Variants in NCOA2 observed in about 807,000 individuals in gnomAD.
NCOA2 encodes nuclear receptor coactivator 2, also known as class E basic helix-loop-helix protein 75.
NCOA2 carries 21 observed loss-of-function variants against 145.1 expected under a neutral mutation model. That is an observed-to-expected ratio of 0.14 (90% CI 0.10 to 0.21). NCOA2 has a LOEUF of 0.21. Ranked by LOEUF, NCOA2 falls within the 10% of genes least tolerant of loss-of-function variation. The pLI is 1.00. For synonymous variants in NCOA2, 619 were observed against 637.5 expected (o/e 0.97, Z 0.44); for missense variants, 1,472 against 1,837.6 (o/e 0.80, Z 3.64).
At position 70,120,473 on chromosome 8, in the gene NCOA2, C is replaced by A. The variant is rs545326087; in HGVS notation, c.4383+829G>T. 2.6e-5 allele frequency among the ~76,000 whole-genome samples: 4 copies of A among 152,310 alleles called. No homozygotes were observed. In the East Asian group the frequency reaches 7.7e-4, roughly 29 times the overall value. ...TGGTGGTTCACGCCTATAATCCCAGCACTTTGGGAGGCTGAGGTGGGTGGA... is the reference window on the plus strand; with the variant it reads ...TGGTGGTTCACGCCTATAATCCCAGAACTTTGGGAGGCTGAGGTGGGTGGA... On this transcript the variant is annotated intron_variant, in intron 22 of 22. Coordinates refer to ENST00000452400, the MANE Select transcript of NCOA2 (RefSeq NM_006540.4).
At chr8:70,375,912 C>T (rs1038608439) in intron 1 of NCOA2, among the ~76,000 whole-genome samples, 4 of 152,162 alleles carry the variant, frequency 2.6e-5, no homozygotes, top group African/African-American at 7.2e-5. Flanking sequence ...TACCCATTTG[C>T]TCTTTTCACT....
chr8:70,395,044 G>A (rs1201854865), intron 1 of NCOA2, among the ~76,000 whole-genome samples: 1 of 152,188 alleles, frequency 6.6e-6, no homozygotes, highest in African/African-American at 2.4e-5. Flanking sequence ...GATCAGACAT[G>A]ATCTACATAC....
chr8:70,445,604 G>A, the NCOA2 span, among the ~76,000 whole-genome samples: 4 of 151,896 alleles, frequency 2.6e-5, no homozygotes, highest in African/African-American at 9.7e-5. Flanking sequence ...GACCCCCCAC[G>A]CCTCTGGCCT....
At chr8:70,162,621 G>C (rs981633442) in intron 9 of NCOA2, 90 bp downstream of exon 9, 8 of 1,361,220 alleles carry the variant, frequency 5.9e-6, no homozygotes, top group Non-Finnish European at 6.0e-6. Flanking sequence ...ACAGTCACCA[G>C]CTCTGTTCCC....
At chr8:70,303,113 T>C (rs773945255) in intron 1 of NCOA2, among the ~76,000 whole-genome samples, 8 of 152,172 alleles carry the variant, frequency 5.3e-5, no homozygotes, top group African/African-American at 7.2e-5. Flanking sequence ...ATATCTGTAG[T>C]TGAATGTACA....
At chr8:70,391,493 A>G (rs1172094898) in intron 1 of NCOA2, among the ~76,000 whole-genome samples, 1 of 152,228 alleles carries the variant, frequency 6.6e-6, no homozygotes, top group East Asian at 1.9e-4. Context: ...TTCAGAAGGA[A>G]CATGCCATGA....
At chr8:70,400,377 T>C (rs964287912) in intron 1 of NCOA2, among the ~76,000 whole-genome samples, 2 of 152,180 alleles carry the variant, frequency 1.3e-5, no homozygotes, top group Non-Finnish European at 2.9e-5. Flanking sequence ...TGTCTCCATA[T>C]GCTTGAGAGG....
intron 2 of NCOA2, among the ~76,000 whole-genome samples, chr8:70,233,711 T>C (rs1319280022): frequency 4.6e-5 from 7 of 152,228 alleles, no homozygotes; most frequent in East Asian, 1.9e-4. Context: ...GTGGCTTTCA[T>C]GACACAACAA....
intron 4 of NCOA2, among the ~76,000 whole-genome samples, chr8:70,182,241 T>G (rs956358235): frequency 6.6e-6 from 1 of 152,250 alleles, no homozygotes; most frequent in African/African-American, 2.4e-5. Context: ...AAGCCGCAAG[T>G]TGCCTCCCTC....
At chr8:70,165,080 A>G (rs1033676908) in intron 7 of NCOA2, among the ~76,000 whole-genome samples, 1 of 152,220 alleles carries the variant, frequency 6.6e-6, no homozygotes, top group Admixed American at 6.5e-5. Context: ...AAAAATGTTT[A>G]TAAAGCACAA....
chr8:70,299,062 A>AAAAC (rs940049805), intron 1 of NCOA2, among the ~76,000 whole-genome samples: 14 of 152,290 alleles, frequency 9.2e-5, no homozygotes, highest in African/African-American at 2.9e-4. Context: ...TCCAACTCAA[A>AAAAC]AAACAAACAA....
intron 1 of NCOA2, among the ~76,000 whole-genome samples, chr8:70,377,047 A>G (rs1197510107): frequency 7.3e-6 from 1 of 136,542 alleles, no homozygotes; most frequent in East Asian, 2.3e-4. Flanking sequence ...TCTGTAGTAA[A>G]TGTGCTTATA....
At chr8:70,159,315 A>G in intron 10 of NCOA2, among the ~76,000 whole-genome samples, 190 bp downstream of exon 10, 1 of 144,078 alleles carries the variant, frequency 6.9e-6, no homozygotes, top group East Asian at 2.0e-4. Context: ...CCATGGATAC[A>G]GAGGGCCAAT....
At chr8:70,142,382 G>C (rs565546859) in intron 13 of NCOA2, among the ~76,000 whole-genome samples, 1 of 152,288 alleles carries the variant, frequency 6.6e-6, no homozygotes, top group East Asian at 1.9e-4. Flanking sequence ...GATGATTAAG[G>C]GTGAAAGGTA....
intron 2 of NCOA2, among the ~76,000 whole-genome samples, chr8:70,257,186 G>GT (rs1275338124): frequency 6.6e-6 from 1 of 152,130 alleles, no homozygotes; most frequent in African/African-American, 2.4e-5. Flanking sequence ...CAAATCCTTG[G>GT]TTTTTCCCTT....
At chr8:70,402,324 TG>T (rs1814353524) in intron 1 of NCOA2, 2 of 152,248 alleles carry the variant, frequency 1.3e-5, no homozygotes, top group Non-Finnish European at 2.9e-5. Flanking sequence ...GCTCGGTCTC[TG>T]GTTTGGGAAA....
chr8:70,148,395 CCTGGCCTCGTGT>C lies in NCOA2; in HGVS notation c.2471_2482del (p.Asp824_Pro827del). Reference sequence around the variant, plus strand: ...CTTGTCAACTGATCCAGCAGGGGCGCCTGGCCTCGTGTCTGGGAAAAGCTGTGGTAATTGACT... The same window carrying C: ...CTTGTCAACTGATCCAGCAGGGGCGCCTGGGAAAAGCTGTGGTAATTGACT... On this transcript the variant is annotated inframe_deletion, in exon 12 of 23. Transcript: ENST00000452400. 1 of 1,613,936 alleles carries C rather than the reference CCTGGCCTCGTGT, an allele frequency of 6.2e-7. No homozygotes were observed. Among genetic ancestry groups the C allele is most frequent in the East Asian group, 2.2e-5 (1 of 44,874 alleles).
At chr8:70,241,444 G>T (rs1822120734) in intron 2 of NCOA2, among the ~76,000 whole-genome samples, 1 of 152,006 alleles carries the variant, frequency 6.6e-6, no homozygotes, top group South Asian at 2.1e-4. Context: ...TCTTTTCAAT[G>T]CGGACCGAAT....
intron 2 of NCOA2, among the ~76,000 whole-genome samples, chr8:70,283,931 A>G (rs1412548475): frequency 6.6e-6 from 1 of 152,184 alleles, no homozygotes; most frequent in Non-Finnish European, 1.5e-5. Flanking sequence ...GTCTAATTGA[A>G]TGATTTTTCT....
Sources: gnomAD v4.1 joint callset for allele counts (sites outside exome capture counted in the v4.1 genomes callset) on GRCh38, gnomAD v4.1.1 for gene constraint, MANE v1.5 for transcripts, NCBI Gene and HGNC (gene_info 2026-07-23, HGNC 2026-07-21) for gene names.